The following CDKAL1 variants were observed in gnomAD, a reference collection of about 807,000 sequenced individuals.
The protein encoded by CDKAL1 is CDKAL1 threonylcarbamoyladenosine tRNA methylthiotransferase.
Under a neutral mutation model 68.2 loss-of-function variants are expected in CDKAL1, and 32 were observed. That is an observed-to-expected ratio of 0.47 (90% CI 0.35 to 0.63). The LOEUF is 0.63. CDKAL1 is among the 30% of genes least tolerant of loss of function. The pLI is 0.00. For missense variants in CDKAL1, 606 were observed against 696.7 expected (o/e 0.87, Z 1.47); for synonymous variants, 234 against 244.3 (o/e 0.96, Z 0.39).
chr6:20,570,736 T>G (rs1342803917), intron 4 of CDKAL1, among the ~76,000 whole-genome samples: 1 of 152,162 alleles, frequency 6.6e-6, no homozygotes, highest in Non-Finnish European at 1.5e-5. Context: ...TAAAAGAAAT[T>G]TACTAGCCTT....
At chr6:20,757,494 T>G (rs889132037) in intron 6 of CDKAL1, among the ~76,000 whole-genome samples, 1 of 152,152 alleles carries the variant, frequency 6.6e-6, no homozygotes, top group African/African-American at 2.4e-5. Flanking sequence ...CCCCGGGACC[T>G]CACTGTGTTG....
chr6:20,692,143 TC>T (rs1453528512), intron 5 of CDKAL1, among the ~76,000 whole-genome samples: 1 of 152,118 alleles, frequency 6.6e-6, no homozygotes. Context: ...AGTGTTTTTC[TC>T]CCCCCTCTGA....
At chr6:21,163,769 AT>A (rs1777025158) in intron 13 of CDKAL1, among the ~76,000 whole-genome samples, 1 of 152,100 alleles carries the variant, frequency 6.6e-6, no homozygotes, top group South Asian at 2.1e-4. Flanking sequence ...CCTGGCCAAC[AT>A]GGCAAACCCC....
At chr6:21,154,077 T>A (rs1776535953) in intron 13 of CDKAL1, among the ~76,000 whole-genome samples, 1 of 152,208 alleles carries the variant, frequency 6.6e-6, no homozygotes, top group Non-Finnish European at 1.5e-5. Context: ...GTGTCTCGGT[T>A]TCCTCATCCA....
intron 2 of CDKAL1, among the ~76,000 whole-genome samples, chr6:20,544,802 A>G (rs1763531370): frequency 6.6e-6 from 1 of 152,030 alleles, no homozygotes; most frequent in African/African-American, 2.4e-5. Flanking sequence ...TGACACTGCA[A>G]AACTTCATTA....
At chr6:21,218,341 T>G (rs1779414210) in intron 15 of CDKAL1, among the ~76,000 whole-genome samples, 1 of 152,268 alleles carries the variant, frequency 6.6e-6, no homozygotes, top group African/African-American at 2.4e-5. Context: ...GGCAACTTTT[T>G]GTATTAGTTA....
At chr6:20,952,021 C>T (rs1366421709) in intron 9 of CDKAL1, among the ~76,000 whole-genome samples, 2 of 145,478 alleles carry the variant, frequency 1.4e-5, no homozygotes, top group African/African-American at 2.6e-5. Flanking sequence ...TGCAGTGGCA[C>T]GATCTCGGCT....
At chr6:20,802,739 A>G (rs1776421241) in intron 8 of CDKAL1, among the ~76,000 whole-genome samples, 1 of 152,200 alleles carries the variant, frequency 6.6e-6, no homozygotes, top group Non-Finnish European at 1.5e-5. Context: ...GTTCGTTTCA[A>G]AAATGCAAAG....
At chr6:20,772,906 C>T (rs1261966532) in intron 7 of CDKAL1, 1 of 152,228 alleles carries the variant, frequency 6.6e-6, no homozygotes, top group Non-Finnish European at 1.5e-5. Context: ...TGGAAATGCA[C>T]CTTGGTAACA....
chr6:20,911,859 C>T (rs937915257), intron 9 of CDKAL1, among the ~76,000 whole-genome samples: 4 of 152,158 alleles, frequency 2.6e-5, no homozygotes, highest in Admixed American at 6.5e-5. Context: ...TTGCTTCATG[C>T]GCTGGAAAGG....
At chr6:21,028,799 T>A (rs1368128086) in intron 11 of CDKAL1, among the ~76,000 whole-genome samples, 1 of 152,160 alleles carries the variant, frequency 6.6e-6, no homozygotes, top group African/African-American at 2.4e-5. Flanking sequence ...CATAACTAGT[T>A]ACCAAATGCT....
chr6:20,624,453 G>GC (rs1561976138), intron 4 of CDKAL1, among the ~76,000 whole-genome samples: 1 of 151,728 alleles, frequency 6.6e-6, no homozygotes, highest in Admixed American at 6.6e-5. Flanking sequence ...TTGAGGGCAG[G>GC]CCAGGCAGAT....
At chr6:21,094,083 C>G (rs140359253) in intron 12 of CDKAL1, among the ~76,000 whole-genome samples, 1 of 151,944 alleles carries the variant, frequency 6.6e-6, no homozygotes, top group East Asian at 1.9e-4. Flanking sequence ...AATATACAGA[C>G]AAGAAAATAT....
At chr6:20,551,613 A>C (rs962767427) in intron 4 of CDKAL1, among the ~76,000 whole-genome samples, 1 of 151,626 alleles carries the variant, frequency 6.6e-6, no homozygotes, top group Non-Finnish European at 1.5e-5. Flanking sequence ...CTCGTGATCC[A>C]CCCGCCTCGG....
intron 12 of CDKAL1, among the ~76,000 whole-genome samples, chr6:21,103,287 G>T (rs935566815): frequency 6.6e-6 from 1 of 152,160 alleles, no homozygotes. Flanking sequence ...ATTACATGCG[G>T]GGCCTCTTTC....
At chr6:21,141,444 T>C (rs898260790) in intron 13 of CDKAL1, among the ~76,000 whole-genome samples, 1 of 152,216 alleles carries the variant, frequency 6.6e-6, no homozygotes, top group African/African-American at 2.4e-5. Context: ...TTATTTACTT[T>C]CATGTCCTCC....
intron 11 of CDKAL1, among the ~76,000 whole-genome samples, chr6:21,062,370 A>G (rs926708015): frequency 1.3e-5 from 2 of 152,212 alleles, no homozygotes; most frequent in Admixed American, 1.3e-4. Context: ...CAAGTATAAA[A>G]CTAGCTAGCT....
intron 11 of CDKAL1, among the ~76,000 whole-genome samples, chr6:21,015,525 T>G (rs1768274491): frequency 6.6e-6 from 1 of 152,178 alleles, no homozygotes. Context: ...CTTTTTGAGT[T>G]TTTTTCTTGA....
At chr6:20,878,180 A>T (rs1760624983) in intron 9 of CDKAL1, among the ~76,000 whole-genome samples, 1 of 152,066 alleles carries the variant, frequency 6.6e-6, no homozygotes, top group African/African-American at 2.4e-5. Context: ...CTGTAAGATG[A>T]TTTTATCTGT....
Sources: gnomAD v4.1 joint callset for allele counts (sites outside exome capture counted in the v4.1 genomes callset) on GRCh38, gnomAD v4.1.1 for gene constraint, MANE v1.5 for transcripts, NCBI Gene and HGNC (gene_info 2026-07-23, HGNC 2026-07-21) for gene names.